AFF2: variants seen among roughly 807,000 people sequenced by gnomAD.
AFF2 encodes the protein AF4/FMR2 family member 2.
AFF2 carries 14 observed loss-of-function variants against 76.9 expected under a neutral mutation model. That is an observed-to-expected ratio of 0.18 (90% confidence interval 0.12 to 0.28). AFF2 has a LOEUF of 0.28. AFF2 is among the 10% of genes least tolerant of loss of function. AFF2 has a pLI of 1.00. For missense variants in AFF2, 868 were observed against 1,001.1 expected, an observed-to-expected ratio of 0.87 and a Z score of 1.79; for synonymous variants, 398 against 366.7, an observed-to-expected ratio of 1.09 and a Z score of -0.98.
At chrX:148,773,685 GGAAAGAAAGAAAGAAAGAAAGAAAGAAA>G (rs1205912443) in intron 3 of AFF2, among the ~76,000 whole-genome samples, 5 of 51,442 alleles carry the variant, frequency 9.7e-5, no homozygotes, top group Non-Finnish European at 1.7e-4. Flanking sequence ...AAGGAAGGAA[GGAAAGAAAGAAAGAAAGAAAGAAAGAAA>G]GAAAGAAAGA....
At chrX:148,789,408 ACT>A (rs78076486) in intron 3 of AFF2, among the ~76,000 whole-genome samples, 135 of 111,084 alleles carry the variant, frequency 1.2e-3, no homozygotes, top group Non-Finnish European at 1.7e-3. Context: ...TCACTGAAAA[ACT>A]CTCTGAGATC....
chrX:148,727,186 T>C (rs1381315718), intron 3 of AFF2, among the ~76,000 whole-genome samples: 4 of 111,420 alleles, frequency 3.6e-5, no homozygotes, highest in Non-Finnish European at 7.6e-5. Context: ...TAAATTAAGA[T>C]GGACAAATTT....
At chrX:148,539,250 A>C (rs782039666) in intron 1 of AFF2, among the ~76,000 whole-genome samples, 9 of 111,201 alleles carry the variant, frequency 8.1e-5, no homozygotes, top group African/African-American at 2.9e-4. Context: ...TCTCTTAACC[A>C]TCCTGAAGGT....
At chrX:148,528,715 T>G (rs2052692989) in intron 1 of AFF2, among the ~76,000 whole-genome samples, 1 of 111,910 alleles carries the variant, frequency 8.9e-6, no homozygotes, top group Non-Finnish European at 1.9e-5. Context: ...TACTTTAAAA[T>G]AATAAATATT....
chrX:148,581,441 T>C (rs1209348702), intron 1 of AFF2, among the ~76,000 whole-genome samples: 1 of 68,245 alleles, frequency 1.5e-5, no homozygotes, highest in Non-Finnish European at 2.7e-5. Flanking sequence ...TGTACACACA[T>C]ATATACGTAT....
chrX:148,608,541 G>A lies in AFF2; in HGVS notation c.48-43458G>A, dbSNP rs540548123. On this transcript the variant is annotated intron_variant, in intron 1 of 20. Coordinates refer to ENST00000370460, the MANE Select transcript of AFF2 (RefSeq NM_002025.4). ...TTAATTAATTAATTTTTAGGGACAG[G>A]GTCTCACTCTGTCACCCTAGCTGGA... is the stretch of plus-strand genomic sequence containing the variant. 5.5e-5 allele frequency among the ~76,000 whole-genome samples: 6 copies of A among 109,209 alleles called. No homozygotes were observed. In the South Asian group the frequency reaches 2.4e-3, roughly 44 times the overall value. 94.8% of individuals were successfully genotyped at this position (109,209 alleles called of 115,157 possible). A position where few individuals can be genotyped will look rare whatever the true frequency, so the allele number is the denominator to read the frequency against.
chrX:148,820,235 T>A (rs1381567272), intron 4 of AFF2, among the ~76,000 whole-genome samples: 1 of 111,759 alleles, frequency 8.9e-6, no homozygotes, highest in Non-Finnish European at 1.9e-5. Flanking sequence ...ACTGTGTGCA[T>A]CTTTCATCTC....
chrX:148,640,400 C>T (rs782473964), intron 1 of AFF2, among the ~76,000 whole-genome samples: 1 of 111,285 alleles, frequency 9.0e-6, no homozygotes, highest in African/African-American at 3.3e-5. Flanking sequence ...CCCTCCCTCC[C>T]TCTGGCTTCT....
At chrX:148,572,573 C>T (rs2053241088) in intron 1 of AFF2, among the ~76,000 whole-genome samples, 1 of 111,508 alleles carries the variant, frequency 9.0e-6, no homozygotes, top group Non-Finnish European at 1.9e-5. Flanking sequence ...TATTACTCAA[C>T]CACAAAAGGA....
chrX:148,935,518 A>G (rs782472379), intron 9 of AFF2, among the ~76,000 whole-genome samples: 4 of 111,155 alleles, frequency 3.6e-5, no homozygotes, highest in Non-Finnish European at 7.5e-5. Flanking sequence ...AGGTAATGTT[A>G]TTAGTGCTCT....
At chrX:148,926,482 G>A (rs1396588105) in intron 9 of AFF2, among the ~76,000 whole-genome samples, 1 of 111,581 alleles carries the variant, frequency 9.0e-6, no homozygotes, top group Non-Finnish European at 1.9e-5. Context: ...GTATAGTTTA[G>A]GAGGGAGAGT....
rs375673745 is a variant in AFF2 at position 148,700,725 on chromosome X, T to C, written c.1041+37957T>C. Among the ~76,000 whole-genome samples, 14 of 110,933 alleles carry C rather than the reference T, an allele frequency of 1.3e-4. No homozygotes were observed. The Middle Eastern group carries it at 0.014, about 109-fold the overall frequency. Reference sequence around the variant, plus strand: ...AGAACATCTGTAGACTCAATTATTTTTCAAGATTCTAATTTACTGCTGTGC... The same window carrying C: ...AGAACATCTGTAGACTCAATTATTTCTCAAGATTCTAATTTACTGCTGTGC... On this transcript the variant is annotated intron_variant, in intron 3 of 20. Transcript: ENST00000370460.
At chrX:148,580,203 C>T (rs1329011207) in intron 1 of AFF2, among the ~76,000 whole-genome samples, 3 of 110,976 alleles carry the variant, frequency 2.7e-5, no homozygotes, top group Non-Finnish European at 5.7e-5. Context: ...TATCCAGGGG[C>T]TTTTTGCCCA....
At chrX:148,865,630 G>T (rs2070896951) in intron 7 of AFF2, among the ~76,000 whole-genome samples, 1 of 111,914 alleles carries the variant, frequency 8.9e-6, no homozygotes, top group Admixed American at 9.5e-5. Flanking sequence ...TTTTCTTAAA[G>T]ACAAAACAAA....
In AFF2 at chrX:148,939,823, G is replaced by A. The variant is rs141639610; in HGVS notation, c.1398-13757G>A. Among the ~76,000 whole-genome samples the A allele has an allele frequency of 3.1e-3, 350 of 111,556 alleles. 2 individuals are homozygous for A. The highest frequency in any genetic ancestry group is 0.011 in the African/African-American group (329 of 30,717). On this transcript the variant is annotated intron_variant, in intron 9 of 20. Transcript: ENST00000370460. The stretch of plus-strand genomic sequence containing the variant: ...CTCACTCAAATGCAGACTGGCACAC[G>A]TGCATTCATACATACATACATACAC...
At chrX:148,562,931 A>G (rs782135532) in intron 1 of AFF2, among the ~76,000 whole-genome samples, 2 of 111,790 alleles carry the variant, frequency 1.8e-5, no homozygotes, top group African/African-American at 6.5e-5. Context: ...TCAGATTGCA[A>G]TAACTCATCA....
At chrX:148,644,054 GT>G (rs2054116507) in intron 1 of AFF2, among the ~76,000 whole-genome samples, 1 of 111,502 alleles carries the variant, frequency 9.0e-6, no homozygotes, top group African/African-American at 3.3e-5. Context: ...TGGAGTTTTA[GT>G]GCACTCTTAC....
At chrX:148,785,049 G>T (rs1186194818) in intron 3 of AFF2, among the ~76,000 whole-genome samples, 1 of 111,767 alleles carries the variant, frequency 8.9e-6, no homozygotes, top group East Asian at 2.8e-4. Context: ...CGCTTCTCTT[G>T]CTCCCCCCCT....
At chrX:148,618,497 A>C (rs782112737) in intron 1 of AFF2, among the ~76,000 whole-genome samples, 1 of 111,552 alleles carries the variant, frequency 9.0e-6, no homozygotes, top group South Asian at 3.7e-4. Flanking sequence ...CCATGATTCA[A>C]TTATCTCCAC....
Sources: gnomAD v4.1 joint callset for allele counts (sites outside exome capture counted in the v4.1 genomes callset) on GRCh38, gnomAD v4.1.1 for gene constraint, MANE v1.5 for transcripts, NCBI Gene and HGNC (gene_info 2026-07-23, HGNC 2026-07-21) for gene names.